The following DAB1 variants were observed in gnomAD, a reference collection of about 807,000 sequenced individuals.
DAB1 encodes the protein DAB adaptor protein 1, also known as disabled homolog 1.
Under a neutral mutation model 64.6 loss-of-function variants are expected in DAB1, and 15 were observed. The ratio of observed to expected loss-of-function variants is 0.23; its 90% confidence interval spans 0.16 to 0.36. DAB1 has a LOEUF of 0.36. DAB1 is among the 10% of genes least tolerant of loss of function. The probability of loss-of-function intolerance (pLI) is 1.00; values close to 1 mark genes in which losing one functional copy is unlikely to be tolerated. For missense variants in DAB1, 596 were observed against 706.7 expected (o/e 0.84, Z 1.78); for synonymous variants, 235 against 251.9 (o/e 0.93, Z 0.64).
intron 2 of DAB1, among the ~76,000 whole-genome samples, chr1:57,274,480 C>T (rs749633502): frequency 1.3e-4 from 20 of 152,200 alleles, no homozygotes; most frequent in East Asian, 3.9e-4. Flanking sequence ...GCATAGTAAG[C>T]GCTCAATAAA....
In DAB1 at chr1:57,901,780, A is replaced by T. The variant is rs1461921548; in HGVS notation, n.388-17618T>A. ...GGCAGATGATGTAAGGTTCAGACAG[A>T]GGCTGAATCTGAGCCTGCAGAACCC... On this transcript the variant is annotated intron_variant and non_coding_transcript_variant, in intron 5 of 20. Transcript: ENST00000485760. Among the ~76,000 whole-genome samples the T allele has an allele frequency of 2.6e-5, 4 of 152,260 alleles. 1 individual carries two copies. Among genetic ancestry groups the T allele is most frequent in the Middle Eastern group, 6.8e-3 (2 of 294 alleles).
At chr1:58,387,975 C>T (rs1001777411) in intron 3 of DAB1, among the ~76,000 whole-genome samples, 6 of 152,098 alleles carry the variant, frequency 3.9e-5, no homozygotes, top group Non-Finnish European at 7.3e-5. Flanking sequence ...GATCCACCTG[C>T]CTTGGCTTCC....
At chr1:57,704,982 C>T (rs1646950543) in intron 6 of DAB1, among the ~76,000 whole-genome samples, 1 of 151,098 alleles carries the variant, frequency 6.6e-6, no homozygotes, top group African/African-American at 2.4e-5. Context: ...TTTCTATAGA[C>T]AGGATTAAAA....
Position 57,185,146 on chromosome 1 carries a change from C to T in DAB1, c.68-39717G>A, listed in dbSNP as rs946647543. ...CATGCTTCCCCCTCTCTGTGCCAGG[C>T]GAACTCCCTGAGATGGCATTTCTTC... On this transcript the variant is annotated intron_variant, in intron 2 of 14. Transcript: ENST00000371236. Among the ~76,000 whole-genome samples, 6 of 152,068 alleles carry T rather than the reference C, an allele frequency of 3.9e-5. No individual in the cohort carries two copies. In the South Asian group the frequency reaches 8.3e-4, roughly 21 times the overall value.
chr1:57,496,446 A>G (rs934465204), intron 7 of DAB1, among the ~76,000 whole-genome samples: 13 of 152,228 alleles, frequency 8.5e-5, no homozygotes, highest in African/African-American at 2.9e-4. Context: ...AATGGTGCCC[A>G]GTATACCGTA....
chr1:57,219,181 C>T (rs1666669204), intron 2 of DAB1, among the ~76,000 whole-genome samples: 1 of 151,894 alleles, frequency 6.6e-6, no homozygotes, highest in African/African-American at 2.4e-5. Flanking sequence ...TATAGGGTTG[C>T]TACCTTTATA....
intron 1 of DAB1, among the ~76,000 whole-genome samples, chr1:57,848,442 G>A (rs1341467915): frequency 6.6e-6 from 1 of 152,118 alleles, no homozygotes; most frequent in Non-Finnish European, 1.5e-5. Flanking sequence ...ATTTATCCTG[G>A]ACTACACAGG....
chr1:57,766,387 G>A (rs1649312633), intron 6 of DAB1, among the ~76,000 whole-genome samples: 1 of 151,842 alleles, frequency 6.6e-6, no homozygotes, highest in Admixed American at 6.6e-5. Flanking sequence ...ACGCACCAAA[G>A]TCGCCACTAA....
chr1:57,172,614 G>A (rs1286577995), intron 2 of DAB1, among the ~76,000 whole-genome samples: 1 of 152,164 alleles, frequency 6.6e-6, no homozygotes, highest in African/African-American at 2.4e-5. Context: ...TACACATGGT[G>A]TAAGGTGAGG....
At chr1:57,892,162 G>GTCT (rs59053073) in intron 5 of DAB1, among the ~76,000 whole-genome samples, 2,261 of 152,230 alleles carry the variant, frequency 0.015, 52 homozygotes, top group African/African-American at 0.046. Flanking sequence ...TATGAGGTTA[G>GTCT]TCTGAATAGC....
rs1644940789 is a variant in DAB1 at position 57,553,411 on chromosome 1, A to AAAAAG, written n.625+96180_625+96181insCTTTT. Among the ~76,000 whole-genome samples the AAAAAG allele has an allele frequency of 2.6e-4, 3 of 11,546 alleles. 1 individual carries two copies. The highest frequency in any genetic ancestry group is 2.4e-3 in the Non-Finnish European group (2 of 842). 7.6% of individuals were successfully genotyped at this position (11,546 alleles called of 152,430 possible). On this transcript the variant is annotated intron_variant and non_coding_transcript_variant, in intron 7 of 20. Coordinates refer to the DAB1 transcript ENST00000485760. ...GAAAGAAAGAAAGAAAGAAAGAAAG[A>AAAAAG]AAGAAAGAAAGAAAGAAAGAAAGAA...
chr1:57,945,156 T>C (rs906561155), intron 5 of DAB1, among the ~76,000 whole-genome samples: 1 of 152,158 alleles, frequency 6.6e-6, no homozygotes, highest in African/African-American at 2.4e-5. Context: ...CTAGCCTAAA[T>C]GCTTCCATGC....
At chr1:57,877,998 C>T (rs1236366314) in intron 1 of DAB1, among the ~76,000 whole-genome samples, 1 of 152,148 alleles carries the variant, frequency 6.6e-6, no homozygotes, top group Non-Finnish European at 1.5e-5. Flanking sequence ...TATCTTAACG[C>T]ACTGTCTTTA....
intron 5 of DAB1, among the ~76,000 whole-genome samples, chr1:58,123,774 C>A (rs74076076): frequency 6.6e-6 from 1 of 151,900 alleles, no homozygotes; most frequent in South Asian, 2.1e-4. Context: ...TGGCTCTGTT[C>A]GTAAATAAAG....
intron 6 of DAB1, among the ~76,000 whole-genome samples, chr1:57,669,080 G>T (rs1465462020): frequency 6.6e-6 from 1 of 151,972 alleles, no homozygotes; most frequent in East Asian, 1.9e-4. Context: ...CCTTACACCC[G>T]ATCCTGGGGA....
intron 7 of DAB1, among the ~76,000 whole-genome samples, chr1:57,558,988 G>C (rs1026763768): frequency 6.6e-6 from 1 of 152,084 alleles, no homozygotes; most frequent in Non-Finnish European, 1.5e-5. Flanking sequence ...CCATATGTCG[G>C]GTCTAACAGT....
At chr1:57,597,026 C>T (rs555577666) in intron 7 of DAB1, among the ~76,000 whole-genome samples, 7 of 152,290 alleles carry the variant, frequency 4.6e-5, no homozygotes, top group African/African-American at 1.7e-4. Context: ...ATTAGCCCAT[C>T]TGAAAGTGAG....
At chr1:57,010,616 A>G (rs2100289578) in intron 14 of DAB1, 64 bp downstream of exon 14, 3 of 880,154 alleles carry the variant, frequency 3.4e-6, no homozygotes, top group Non-Finnish European at 3.3e-6. Context: ...TCAGAAGTGA[A>G]GAACAACCAA....
At chr1:58,469,874 T>C (rs1011344631) in intron 3 of DAB1, among the ~76,000 whole-genome samples, 4 of 152,138 alleles carry the variant, frequency 2.6e-5, no homozygotes, top group Admixed American at 6.5e-5. Flanking sequence ...TAGAGAATTT[T>C]TAAAAATAAA....
Sources: allele counts gnomAD v4.1 joint callset (sites outside exome capture counted in the v4.1 genomes callset), GRCh38; gene constraint gnomAD v4.1.1; transcripts MANE v1.5; gene names NCBI Gene and HGNC (gene_info 2026-07-23, HGNC 2026-07-21).